The following TSC1 variants were observed in gnomAD, a reference collection of about 807,000 sequenced individuals.
The protein encoded by TSC1 is TSC complex subunit 1.
TSC1 carries 20 observed loss-of-function variants against 124.3 expected under a neutral mutation model. The ratio of observed to expected loss-of-function variants is 0.16; its 90% confidence interval spans 0.11 to 0.23. The LOEUF is 0.23. Among genes scored for constraint, TSC1 ranks in the 10% least tolerant of loss-of-function variants. The pLI, the probability that TSC1 is intolerant of heterozygous loss-of-function variation, is 1.00. For missense variants in TSC1, 1,124 were observed against 1,448.5 expected, an observed-to-expected ratio of 0.78 and a Z score of 3.64; for synonymous variants, 493 against 539.1, an observed-to-expected ratio of 0.91 and a Z score of 1.19.
At chr9:132,900,230 C>T (rs1289313214) in intron 20 of TSC1, 1 of 179,426 alleles carries the variant, frequency 5.6e-6, no homozygotes, top group Non-Finnish European at 1.2e-5. Flanking sequence ...AAAACTTCTG[C>T]CTCGACACCA....
intron 13 of TSC1, 116 bp downstream of exon 13, chr9:132,907,185 C>T: frequency 1.2e-6 from 1 of 836,922 alleles, no homozygotes; most frequent in South Asian, 1.4e-5. Flanking sequence ...TATGTTTAGG[C>T]CTCAGTATTT....
At chr9:132,944,886 C>T (rs928427586), upstream of TSC1, 171 of 295,294 alleles carry the variant, frequency 5.8e-4, 1 homozygote, top group Non-Finnish European at 7.6e-4. Flanking sequence ...GCGAAGGAGG[C>T]AAAAAGAAGG....
At chr9:132,924,827 T>C (rs1286635560) in intron 5 of TSC1, 1 of 152,244 alleles carries the variant, frequency 6.6e-6, no homozygotes, top group Non-Finnish European at 1.5e-5. Flanking sequence ...CTAGGGATAA[T>C]AAAAGAGTTA....
At chr9:132,901,278 G>A (rs1041248165) in intron 19 of TSC1, among the ~76,000 whole-genome samples, 1 of 152,234 alleles carries the variant, frequency 6.6e-6, no homozygotes, top group African/African-American at 2.4e-5. Flanking sequence ...TATGAAGAAA[G>A]AGTTCCATGG....
Position 132,902,551 on chromosome 9 carries a change from C to G in TSC1, c.2391+54G>C. Reference sequence around the variant, plus strand: ...CCAGGGAAACTGACTGCCTCCCTCCCCACTGCTCTCCGGCATTCTCGCAGT... The same window carrying G: ...CCAGGGAAACTGACTGCCTCCCTCCGCACTGCTCTCCGGCATTCTCGCAGT... On this transcript the variant is annotated intron_variant, in intron 18 of 22. Transcript: ENST00000298552. This position sits in a 1 kb window ranked among gnomAD's most constrained non-coding sequence, Gnocchi z 5.2. 1.2e-6 allele frequency: 2 copies of G among 1,608,134 alleles called. No homozygotes were observed. Among genetic ancestry groups the G allele is most frequent in the Non-Finnish European group, 1.7e-6 (2 of 1,175,980 alleles).
intron 8 of TSC1, among the ~76,000 whole-genome samples, chr9:132,913,927 C>A (rs1846124217): frequency 9.6e-6 from 1 of 104,552 alleles, no homozygotes. Context: ...TAGACAGAGT[C>A]TCACTCTGTC....
intron 22 of TSC1, 119 bp downstream of exon 22, chr9:132,897,065 G>A: frequency 1.3e-6 from 2 of 1,503,230 alleles, no homozygotes; most frequent in Non-Finnish European, 1.8e-6. Context: ...GACACGGAGT[G>A]AGCTGAGTGT....
chr9:132,897,655 A>G, intron 20 of TSC1, 45 bp from the exon 21 acceptor site: 1 of 1,567,778 alleles, frequency 6.4e-7, no homozygotes, highest in Non-Finnish European at 8.6e-7. Flanking sequence ...ACTTATAAAA[A>G]ATAAACATGC....
In TSC1 at chr9:132,905,898, G is replaced by A. The variant is rs1845635535; in HGVS notation, c.1680C>T (p.Gly560=). The A allele has an allele frequency of 6.2e-7, 1 of 1,612,106 alleles. No individual in the cohort carries two copies. The highest frequency in any genetic ancestry group is 8.5e-7 in the Non-Finnish European group (1 of 1,178,502). The stretch of plus-strand genomic sequence containing the variant: ...CTCCCGCAGGGCTTTCATCAGCACT[G>A]CCGCAGGGCAGGTCTATGGGAGTAA... The part of the protein sequence containing the change: ...QAFTPIDLPC[G]SADESPAGDR... The change falls in exon 15 of 23, where the codon GGC becomes GGT. Residue 560 remains glycine, a synonymous_variant. Coordinates refer to ENST00000298552, the MANE Select transcript of TSC1 (RefSeq NM_000368.5).
Position 132,892,174 on chromosome 9 carries a change from G to C in TSC1, c.*4061C>G, listed in dbSNP as rs1006184571. 1.5e-4 allele frequency: 35 copies of C among 233,188 alleles called. No individual in the cohort carries two copies. The highest frequency in any genetic ancestry group is 6.2e-4 in the Admixed American group (11 of 17,782). The allele number at this position is 233,188 out of a possible 1,614,324, so 14.4% of individuals were successfully genotyped here. ...CACGCTCCCCTGGGCACATCGAAGAGTCCCGGACAGGCAAACAAGCCACAT... is the reference window on the plus strand; with the variant it reads ...CACGCTCCCCTGGGCACATCGAAGACTCCCGGACAGGCAAACAAGCCACAT... On this transcript the variant is annotated 3_prime_UTR_variant, in exon 23 of 23. Coordinates refer to ENST00000298552, the MANE Select transcript of TSC1 (RefSeq NM_000368.5).
intron 8 of TSC1, among the ~76,000 whole-genome samples, chr9:132,913,890 T>A (rs1463135904): frequency 1.1e-5 from 1 of 94,336 alleles, no homozygotes; most frequent in Non-Finnish European, 2.3e-5. Context: ...TGTTTTGTTT[T>A]GTTTTTTTTT....
Position 132,903,438 on chromosome 9 carries a change from T to C in TSC1, c.2208+213A>G, listed in dbSNP as rs1249662557. On this transcript the variant is annotated intron_variant, in intron 17 of 22. Coordinates refer to ENST00000298552, the MANE Select transcript of TSC1 (RefSeq NM_000368.5). The surrounding 1 kb of genome is among the most constrained non-coding windows in gnomAD (Gnocchi z 5.9). ...CATCATGGCCAGTTACATGCAAACA[T>C]ACACACACAAAATCACTTGTCCCCA... Among the ~76,000 whole-genome samples, 1 of 152,180 alleles carries C rather than the reference T, an allele frequency of 6.6e-6. No individual in the cohort carries two copies. Among genetic ancestry groups the C allele is most frequent in the Non-Finnish European group, 1.5e-5 (1 of 68,044 alleles).
In TSC1 at chr9:132,908,745, C is replaced by T. The variant is rs540617395; in HGVS notation, c.1264-1375G>A. On this transcript the variant is annotated intron_variant, in intron 12 of 22. Transcript: ENST00000298552. Reference sequence around the variant, plus strand: ...ACAGAAGCAAGCCACCACGCCCAGCCGCAAAAAGTAAACGTATGTTGACAG... The same window carrying T: ...ACAGAAGCAAGCCACCACGCCCAGCTGCAAAAAGTAAACGTATGTTGACAG... 1.1e-4 allele frequency among the ~76,000 whole-genome samples: 17 copies of T among 151,946 alleles called. No homozygotes were observed. The East Asian group carries it at 2.5e-3, about 22-fold the overall frequency.
chr9:132,918,702 CT>C (rs1846389444), intron 8 of TSC1, among the ~76,000 whole-genome samples: 1 of 152,154 alleles, frequency 6.6e-6, no homozygotes, highest in Non-Finnish European at 1.5e-5. Flanking sequence ...AATCAGAAGA[CT>C]ACTTTCTAAA....
chr9:132,944,945 G>T (rs1006127570), upstream of TSC1: 3 of 232,126 alleles, frequency 1.3e-5, no homozygotes, highest in Non-Finnish European at 2.5e-5. Context: ...GGCGGGGCGG[G>T]CGGTCACGTG....
chr9:132,928,680 C>A lies in TSC1; in HGVS notation c.106+87G>T, dbSNP rs1253354344. ...TAAAAAACTTTTCAGAAGATGAAAA[C>A]TAAAATGTATCAGCAGGATTCTAGT... On this transcript the variant is annotated intron_variant, in intron 3 of 22. Transcript: ENST00000298552. The A allele has an allele frequency of 6.4e-6, 10 of 1,559,416 alleles. No individual in the cohort carries two copies. In the East Asian group the frequency reaches 1.8e-4, roughly 29 times the overall value.
chr9:132,913,891 G>GTTTTTTTTTTTTTTTTTTTTTT (rs775823272), intron 8 of TSC1, among the ~76,000 whole-genome samples: 1 of 58,372 alleles, frequency 1.7e-5, no homozygotes, highest in African/African-American at 6.7e-5. Context: ...GTTTTGTTTT[G>GTTTTTTTTTTTTTTTTTTTTTT]TTTTTTTTTT....
rs1273050411 is a variant in TSC1, at chr9:132,921,154, C to T, written c.737+209G>A. ...GGACAGGCACTTGTGCTGCAACTTTCTCCACTCTGCTAAATGTTATTAGTC... is the reference window on the plus strand; with the variant it reads ...GGACAGGCACTTGTGCTGCAACTTTTTCCACTCTGCTAAATGTTATTAGTC... On this transcript the variant is annotated intron_variant, in intron 8 of 22. Coordinates refer to ENST00000298552, the MANE Select transcript of TSC1 (RefSeq NM_000368.5). The surrounding 1 kb of genome is among the most constrained non-coding windows in gnomAD (Gnocchi z 4.3). 2.0e-5 allele frequency among the ~76,000 whole-genome samples: 3 copies of T among 152,058 alleles called. No individual in the cohort carries two copies. In the East Asian group the frequency reaches 5.8e-4, roughly 30 times the overall value.
At position 132,928,636 on chromosome 9, in the gene TSC1, G is replaced by T. The variant is rs1847021914; in HGVS notation, c.106+131C>A. The T allele has an allele frequency of 3.6e-6, 4 of 1,118,006 alleles. No homozygotes were observed. The South Asian group carries it at 5.5e-5, about 15-fold the overall frequency. 69.3% of individuals were successfully genotyped at this position (1,118,006 alleles called of 1,614,324 possible). On this transcript the variant is annotated intron_variant, in intron 3 of 22. Coordinates refer to ENST00000298552, the MANE Select transcript of TSC1 (RefSeq NM_000368.5). ...TAATTGAAAGTTTAAAACACATATAGATACTCTCTTTGGGTGTTTAAAAAA... is the reference window on the plus strand; with the variant it reads ...TAATTGAAAGTTTAAAACACATATATATACTCTCTTTGGGTGTTTAAAAAA...
Sources: gnomAD v4.1 joint callset for allele counts (sites outside exome capture counted in the v4.1 genomes callset) on GRCh38, gnomAD v4.1.1 for gene constraint, Gnocchi (gnomAD v3.1) non-coding constraint, MANE v1.5 for transcripts, NCBI Gene and HGNC (gene_info 2026-07-23, HGNC 2026-07-21) for gene names.